Variants in DIP2C observed in about 807,000 individuals in gnomAD.
The protein encoded by DIP2C is disco-interacting protein 2 homolog C.
Under a neutral mutation model 192.4 loss-of-function variants are expected in DIP2C, and 33 were observed. The ratio of observed to expected loss-of-function variants is 0.17; its 90% CI spans 0.13 to 0.23. DIP2C has a LOEUF of 0.23. Ranked by LOEUF, DIP2C falls within the 10% of genes least tolerant of loss-of-function variation. The pLI, the probability that DIP2C is intolerant of heterozygous loss-of-function variation, is 1.00. For synonymous variants in DIP2C, 979 were observed against 864.1 expected (o/e 1.13, Z -2.33); for missense variants, 1,537 against 2,110.1 (o/e 0.73, Z 5.32).
chr10:380,612 T>C (rs1178223740), intron 17 of DIP2C, among the ~76,000 whole-genome samples: 1 of 152,236 alleles, frequency 6.6e-6, no homozygotes, highest in Non-Finnish European at 1.5e-5. Flanking sequence ...AACAGGGGAA[T>C]GTAGCAGCCG....
intron 1 of DIP2C, among the ~76,000 whole-genome samples, chr10:596,828 C>A (rs1184157368): frequency 6.6e-6 from 1 of 152,214 alleles, no homozygotes; most frequent in African/African-American, 2.4e-5. Context: ...GTCATCACCA[C>A]CACTGCCCAG....
chr10:348,523 A>T, intron 26 of DIP2C, 118 bp downstream of exon 26: 1 of 1,502,294 alleles, frequency 6.7e-7, no homozygotes, highest in Admixed American at 2.1e-5. Flanking sequence ...GTTTGACTCC[A>T]GACACACCCC....
chr10:378,634 G>T (rs1234514948), intron 17 of DIP2C, among the ~76,000 whole-genome samples: 1 of 139,954 alleles, frequency 7.1e-6, no homozygotes, highest in Non-Finnish European at 1.6e-5. Context: ...CACGAACACA[G>T]ACATGCATAA....
intron 3 of DIP2C, among the ~76,000 whole-genome samples, chr10:447,478 T>C (rs1262904185): frequency 6.8e-5 from 10 of 147,250 alleles, no homozygotes; most frequent in Non-Finnish European, 1.3e-4. Context: ...CTCCCATCGA[T>C]ACTCAGGATC....
intron 31 of DIP2C, among the ~76,000 whole-genome samples, chr10:319,979 C>T (rs1448070824): frequency 1.3e-5 from 2 of 152,244 alleles, no homozygotes; most frequent in East Asian, 1.9e-4. Flanking sequence ...ATTTTTCCAG[C>T]GTGAATGACT....
chr10:321,079 G>A (rs1444214494), intron 31 of DIP2C, among the ~76,000 whole-genome samples: 2 of 152,244 alleles, frequency 1.3e-5, no homozygotes, highest in African/African-American at 2.4e-5. Context: ...GCAGACGCTT[G>A]GGGCTGGATG....
At chr10:610,842 G>A (rs1167294556) in intron 1 of DIP2C, among the ~76,000 whole-genome samples, 1 of 149,170 alleles carries the variant, frequency 6.7e-6, no homozygotes, top group Non-Finnish European at 1.5e-5. Flanking sequence ...GGGCCCTGGT[G>A]GGAGGTGACT....
At chr10:686,492 C>A (rs1241130396) in intron 1 of DIP2C, among the ~76,000 whole-genome samples, 1 of 152,222 alleles carries the variant, frequency 6.6e-6, no homozygotes, top group Non-Finnish European at 1.5e-5. Flanking sequence ...GACCGTGTGG[C>A]CTCCTTACCT....
At chr10:305,029 A>G (rs1160263809) in intron 32 of DIP2C, among the ~76,000 whole-genome samples, 1 of 8,412 alleles carries the variant, frequency 1.2e-4, no homozygotes, top group African/African-American at 1.6e-4. Flanking sequence ...CATGACACAT[A>G]TATGCACGTG....
intron 32 of DIP2C, 94 bp from the exon 33 acceptor site, chr10:288,515 C>T (rs557595171): frequency 4.0e-5 from 53 of 1,331,684 alleles, no homozygotes; most frequent in South Asian, 3.5e-4. Flanking sequence ...GGCAGCTGTC[C>T]GGGAAAGCTG....
At chr10:356,394 A>G in intron 24 of DIP2C, 32 bp downstream of exon 24, 1 of 1,608,246 alleles carries the variant, frequency 6.2e-7, no homozygotes, top group Non-Finnish European at 8.5e-7. Context: ...CCTTGAGGCC[A>G]GTAGCCAGGG....
intron 1 of DIP2C, among the ~76,000 whole-genome samples, chr10:673,557 G>C (rs1490722269): frequency 6.6e-6 from 1 of 152,162 alleles, no homozygotes; most frequent in African/African-American, 2.4e-5. Context: ...CAGTCGCCGT[G>C]TGCTGCTTCT....
At chr10:518,032 G>A (rs999472402) in intron 1 of DIP2C, among the ~76,000 whole-genome samples, 3 of 152,230 alleles carry the variant, frequency 2.0e-5, no homozygotes, top group Non-Finnish European at 1.5e-5. Flanking sequence ...TGGGGTGGGC[G>A]TGGGGTTGAG....
At position 345,090 on chromosome 10, in the gene DIP2C, C is replaced by T; in HGVS notation, c.3252G>A (p.Leu1084=). 1 of 1,612,760 alleles carries T rather than the reference C, an allele frequency of 6.2e-7. No individual in the cohort carries two copies. The highest frequency in any genetic ancestry group is 8.5e-7 in the Non-Finnish European group (1 of 1,179,850). Residue 1084 remains leucine, a synonymous_variant, in exon 27 of 37, where the codon CTG becomes CTA. Transcript: ENST00000280886. ...MIVEVSRSAC[L]MTTQLICKLL... ...ACTTACAGATCAGCTGTGTCGTCAT[C>T]AGACAGGCAGAGCGACTCACCTGGC... is the stretch of plus-strand genomic sequence containing the variant.
chr10:438,979 G>A (rs1967497137), intron 4 of DIP2C, among the ~76,000 whole-genome samples: 1 of 152,004 alleles, frequency 6.6e-6, no homozygotes. Context: ...ACACCACCAG[G>A]CCCAGCTAAT....
At chr10:459,924 G>A (rs1266109875) in intron 3 of DIP2C, among the ~76,000 whole-genome samples, 1 of 137,718 alleles carries the variant, frequency 7.3e-6, no homozygotes, top group Non-Finnish European at 1.5e-5. Flanking sequence ...GTCACATCAG[G>A]GAACCAACCA....
intron 2 of DIP2C, among the ~76,000 whole-genome samples, chr10:482,835 TTGAC>T (rs1295741785): frequency 2.0e-5 from 3 of 152,202 alleles, no homozygotes; most frequent in Admixed American, 6.5e-5. Flanking sequence ...GTTTACAACT[TTGAC>T]TGGGCTTAGA....
intron 31 of DIP2C, among the ~76,000 whole-genome samples, chr10:315,145 G>A (rs1034854897): frequency 4.6e-5 from 7 of 152,174 alleles, no homozygotes; most frequent in African/African-American, 1.7e-4. Flanking sequence ...TCTTGCAGCA[G>A]TGCATTTCCG....
At chr10:568,099 G>A (rs181226146) in intron 1 of DIP2C, among the ~76,000 whole-genome samples, 5 of 152,296 alleles carry the variant, frequency 3.3e-5, no homozygotes, top group Admixed American at 6.5e-5. Context: ...TCACAGCCCT[G>A]GAGCTCCACT....
Sources: allele counts gnomAD v4.1 joint callset (sites outside exome capture counted in the v4.1 genomes callset), GRCh38; gene constraint gnomAD v4.1.1; transcripts MANE v1.5; gene names NCBI Gene and HGNC (gene_info 2026-07-23, HGNC 2026-07-21).